ARSG: variants seen among roughly 807,000 people sequenced by gnomAD.
ARSG encodes ASG.
Under a neutral mutation model 50.5 loss-of-function variants are expected in ARSG, and 37 were observed. The ratio of observed to expected loss-of-function variants is 0.73; its 90% CI spans 0.56 to 0.96. The LOEUF (loss-of-function observed/expected upper bound fraction) is 0.96, where lower values mean the gene tolerates loss of function less well. Among genes scored for constraint, ARSG ranks in the 50% least tolerant of loss-of-function variants. The pLI, the probability that ARSG is intolerant of heterozygous loss-of-function variation, is 0.00. For missense variants in ARSG, 629 were observed against 675.3 expected (o/e 0.93, Z 0.76); for synonymous variants, 225 against 254.6 (o/e 0.88, Z 1.11).
intron 2 of ARSG, among the ~76,000 whole-genome samples, chr17:68,329,642 C>T (rs1392643499): frequency 6.6e-6 from 1 of 152,168 alleles, no homozygotes; most frequent in Non-Finnish European, 1.5e-5. Flanking sequence ...GGCCTGTAGA[C>T]CGTGCTGACT....
chr17:68,338,502 A>G (rs2078128536), intron 2 of ARSG, among the ~76,000 whole-genome samples: 1 of 152,272 alleles, frequency 6.6e-6, no homozygotes, highest in Non-Finnish European at 1.5e-5. Flanking sequence ...GCACCTGCAT[A>G]GGATTTGGAA....
Position 68,351,601 on chromosome 17 carries a change from T to G in ARSG, c.481T>G (p.Tyr161Asp), listed in dbSNP as rs1311554628. Residue 161 changes from tyrosine (Y) to aspartate (D), a missense_variant, in exon 5 of 12, where the codon TAT becomes GAT. By Grantham distance (160) the Tyr-to-Asp change is radical (BLOSUM62 -3). Transcript: ENST00000621439. ...RGFDYYFGIP[Y>D]SHDMGCTDTP... ...TTTTGATTACTACTTTGGAATCCCATATAGCCATGATATGGGCTGTACTGA... is the reference window on the plus strand; with the variant it reads ...TTTTGATTACTACTTTGGAATCCCAGATAGCCATGATATGGGCTGTACTGA... 6.2e-7 allele frequency: 1 copy of G among 1,613,390 alleles called. No individual in the cohort carries two copies. The highest frequency in any genetic ancestry group is 1.3e-5 in the African/African-American group (1 of 74,882).
chr17:68,301,437 G>T (rs1469415243), intron 1 of ARSG, among the ~76,000 whole-genome samples: 1 of 152,182 alleles, frequency 6.6e-6, no homozygotes, highest in African/African-American at 2.4e-5. Context: ...AGTGCTCACT[G>T]CCCAGGTGGT....
chr17:68,356,539 A>C (rs1380354807), intron 5 of ARSG, 128 bp from the exon 6 acceptor site: 4 of 1,105,968 alleles, frequency 3.6e-6, no homozygotes, highest in Middle Eastern at 2.0e-4. Context: ...GGAAATGGCC[A>C]ACCAGAAAAA....
At chr17:68,405,259 G>T (rs142628197) in intron 11 of ARSG, among the ~76,000 whole-genome samples, 29 of 150,694 alleles carry the variant, frequency 1.9e-4, no homozygotes, top group Non-Finnish European at 3.7e-4. Flanking sequence ...GGATTGTACT[G>T]AACCTGTAGA....
At chr17:68,333,837 G>T (rs1451799830) in intron 2 of ARSG, among the ~76,000 whole-genome samples, 1 of 152,058 alleles carries the variant, frequency 6.6e-6, no homozygotes, top group Non-Finnish European at 1.5e-5. Context: ...GACATCAAAG[G>T]GTAGCAGTTA....
At chr17:68,413,474 CA>C (rs1157559667) in intron 11 of ARSG, 2 of 152,218 alleles carry the variant, frequency 1.3e-5, no homozygotes, top group Admixed American at 6.5e-5. Flanking sequence ...TGCCCGTTCT[CA>C]GATCTCCAGC....
chr17:68,424,717 A>C (rs994600906), downstream of ARSG, among the ~76,000 whole-genome samples: 2 of 152,316 alleles, frequency 1.3e-5, no homozygotes, highest in South Asian at 2.1e-4. Context: ...CTCTACTAAA[A>C]ATACAAAATA....
At chr17:68,268,968 A>G in intron 1 of ARSG, 2 of 1,514,786 alleles carry the variant, frequency 1.3e-6, no homozygotes, top group Non-Finnish European at 1.8e-6. Context: ...CTTCACATAC[A>G]CATTCCCTTT....
the ARSG span, among the ~76,000 whole-genome samples, chr17:68,441,351 T>C: frequency 2.9e-4 from 44 of 152,350 alleles, no homozygotes; most frequent in African/African-American, 1.0e-3. Context: ...TCTGTATAGC[T>C]AATTTACTTG....
intron 1 of ARSG, among the ~76,000 whole-genome samples, chr17:68,293,720 C>T (rs1167447178): frequency 6.6e-6 from 1 of 152,070 alleles, no homozygotes; most frequent in African/African-American, 2.4e-5. Flanking sequence ...GAGGGATTGA[C>T]CTAAGGTTAC....
chr17:68,351,626 A>C lies in ARSG; in HGVS notation c.506A>C (p.Asp169Ala), dbSNP rs200203410. 2.2e-5 allele frequency: 35 copies of C among 1,613,838 alleles called. No homozygotes were observed. The highest frequency in any genetic ancestry group is 2.8e-5 in the Non-Finnish European group (33 of 1,179,950). ...IPYSHDMGCT[D>A]TPGYNHPPCP... The stretch of plus-strand genomic sequence containing the variant: ...TATAGCCATGATATGGGCTGTACTG[A>C]TACTCCAGGCTACAACCACCCTCCT... Residue 169 changes from aspartate to alanine, a missense_variant, in exon 5 of 12, where the codon GAT (aspartate) becomes GCT (alanine). Coordinates refer to ENST00000621439, the MANE Select transcript of ARSG (RefSeq NM_001267727.2).
chr17:68,272,765 G>T, intron 1 of ARSG: 5 of 1,613,822 alleles, frequency 3.1e-6, no homozygotes, highest in Non-Finnish European at 4.2e-6. Context: ...CAGTATCCCA[G>T]ACCTGTGAAA....
intron 11 of ARSG, among the ~76,000 whole-genome samples, chr17:68,416,438 A>G (rs1349453271): frequency 6.6e-6 from 1 of 151,826 alleles, no homozygotes; most frequent in African/African-American, 2.4e-5. Context: ...GTTTTTCTTT[A>G]TAGGTTACCT....
At chr17:68,416,552 C>T (rs531634474) in intron 11 of ARSG, among the ~76,000 whole-genome samples, 1 of 152,148 alleles carries the variant, frequency 6.6e-6, no homozygotes, top group African/African-American at 2.4e-5. Context: ...ATTATTCCCC[C>T]AAATATGTTT....
At chr17:68,435,506 G>T in the ARSG span, 1 of 990,478 alleles carries the variant, frequency 1.0e-6, no homozygotes, top group Non-Finnish European at 1.6e-6. Context: ...AATTCTGAGT[G>T]GGCCCAGAGA....
intron 6 of ARSG, among the ~76,000 whole-genome samples, chr17:68,361,582 A>G (rs990538789): frequency 1.3e-5 from 2 of 151,804 alleles, no homozygotes; most frequent in Non-Finnish European, 2.9e-5. Context: ...AAACAAACAA[A>G]CAAACAAATA....
At chr17:68,369,060 T>G (rs1283930896) in intron 7 of ARSG, among the ~76,000 whole-genome samples, 1 of 152,264 alleles carries the variant, frequency 6.6e-6, no homozygotes, top group Non-Finnish European at 1.5e-5. Flanking sequence ...GTGTTGTCCC[T>G]GTGCAGTTCT....
At chr17:68,388,715 A>T (rs1458229619) in intron 9 of ARSG, among the ~76,000 whole-genome samples, 1 of 152,238 alleles carries the variant, frequency 6.6e-6, no homozygotes, top group African/African-American at 2.4e-5. Context: ...TCATGAGGTC[A>T]GGAGTTCGAG....
Sources: gnomAD v4.1 joint callset for allele counts (sites outside exome capture counted in the v4.1 genomes callset) on GRCh38, gnomAD v4.1.1 for gene constraint, MANE v1.5 for transcripts, NCBI Gene and HGNC (gene_info 2026-07-23, HGNC 2026-07-21) for gene names.